Variants in FLACC1 observed in about 807,000 individuals in gnomAD.
The protein encoded by FLACC1 is flagellum-associated coiled-coil domain-containing protein 1.
A neutral mutation model predicts 62.8 loss-of-function variants in FLACC1; 66 were observed. That is an observed-to-expected ratio of 1.05 (90% CI 0.86 to 1.29). The LOEUF (loss-of-function observed/expected upper bound fraction) is 1.29. FLACC1 is among the 50% of genes most tolerant of loss of function. FLACC1 has a pLI of 0.00. For missense variants in FLACC1, 452 were observed against 489.1 expected (o/e 0.92, Z 0.71); for synonymous variants, 156 against 161.0 (o/e 0.97, Z 0.24).
the FLACC1 span, among the ~76,000 whole-genome samples, chr2:201,363,050 C>T: frequency 6.6e-6 from 1 of 152,132 alleles, no homozygotes; most frequent in African/African-American, 2.4e-5. Flanking sequence ...CCAGCCTGCT[C>T]CCCTGAGATT....
intron 3 of FLACC1, 79 bp from the exon 4 acceptor site, chr2:201,348,381 G>T: frequency 7.0e-7 from 1 of 1,425,046 alleles, no homozygotes; most frequent in Non-Finnish European, 9.6e-7. Flanking sequence ...CCCTGAGGCC[G>T]CCACCATCTG....
chr2:201,312,404 T>C (rs1440262292), intron 9 of FLACC1, among the ~76,000 whole-genome samples: 1 of 152,082 alleles, frequency 6.6e-6, no homozygotes, highest in Non-Finnish European at 1.5e-5. Flanking sequence ...AAATTGCTGC[T>C]GAAAGAAATC....
rs566873204 is a variant in FLACC1 at position 201,349,565 on chromosome 2, CAG to C, written c.185+1144_185+1145del. On this transcript the variant is annotated intron_variant, in intron 3 of 14. Transcript: ENST00000392257. ...CTGGCTCTTTTCCCAGCACCTGAAACAGTGCCTAATAAATAATAGGTGGTCAA... is the reference window on the plus strand; with the variant it reads ...CTGGCTCTTTTCCCAGCACCTGAAACTGCCTAATAAATAATAGGTGGTCAA... Among the ~76,000 whole-genome samples, 459 of 152,236 alleles carry C rather than the reference CAG, an allele frequency of 3.0e-3. 1 individual carries two copies. The highest frequency in any genetic ancestry group is 4.5e-3 in the Non-Finnish European group (305 of 68,018).
chr2:201,296,809 T>C (rs1438598696), intron 12 of FLACC1, among the ~76,000 whole-genome samples: 4 of 152,024 alleles, frequency 2.6e-5, no homozygotes, highest in Admixed American at 2.6e-4. Context: ...CTAAGAACAA[T>C]GGGGACCTAC....
chr2:201,298,156 A>G (rs1177586582), intron 12 of FLACC1, among the ~76,000 whole-genome samples: 1 of 152,190 alleles, frequency 6.6e-6, no homozygotes, highest in Non-Finnish European at 1.5e-5. Context: ...CACCAGGCAG[A>G]GTAGAAAATC....
At position 201,327,441 on chromosome 2, in the gene FLACC1, C is replaced by G. The variant is rs554049135; in HGVS notation, c.675+3029G>C. Among the ~76,000 whole-genome samples the G allele has an allele frequency of 2.0e-3, 311 of 151,856 alleles. 2 individuals carry two copies. Among genetic ancestry groups the G allele is most frequent in the African/African-American group, 7.2e-3 (297 of 41,342 alleles). On this transcript the variant is annotated intron_variant, in intron 9 of 14. Coordinates refer to ENST00000392257, the MANE Select transcript of FLACC1 (RefSeq NM_001127391.3). ...ACAAAGGACTAGTAATCAAAATCTA[C>G]AAGGAATTCAAACAAATCAGCAAGA...
At chr2:201,289,175 A>C (rs1429120546) in intron 14 of FLACC1, among the ~76,000 whole-genome samples, 1 of 152,126 alleles carries the variant, frequency 6.6e-6, no homozygotes, top group East Asian at 1.9e-4. Flanking sequence ...CAGTCATAGA[A>C]CTGAGCAAAC....
At chr2:201,294,935 G>A (rs1359586004) in intron 12 of FLACC1, among the ~76,000 whole-genome samples, 1 of 152,172 alleles carries the variant, frequency 6.6e-6, no homozygotes, top group East Asian at 1.9e-4. Flanking sequence ...GCTTCAAAGA[G>A]AATAAAATAC....
At chr2:201,297,469 A>AT (rs1318145295) in intron 12 of FLACC1, among the ~76,000 whole-genome samples, 2 of 152,158 alleles carry the variant, frequency 1.3e-5, no homozygotes, top group African/African-American at 4.8e-5. Context: ...AGTAAAGGAG[A>AT]TTGAGAAGGT....
chr2:201,313,695 C>T (rs1950258965), intron 9 of FLACC1, among the ~76,000 whole-genome samples: 1 of 152,142 alleles, frequency 6.6e-6, no homozygotes, highest in Admixed American at 6.5e-5. Flanking sequence ...GCCTGATCCT[C>T]CCCATACTAC....
upstream of FLACC1, among the ~76,000 whole-genome samples, chr2:201,357,751 G>A (rs937897761): frequency 6.6e-6 from 1 of 151,680 alleles, no homozygotes; most frequent in Non-Finnish European, 1.5e-5. Context: ...TGAAATCTGT[G>A]AAAGTAAAAA....
Position 201,293,182 on chromosome 2 carries a change from T to A in FLACC1, c.943-3397A>T, listed in dbSNP as rs1949777658. On this transcript the variant is annotated intron_variant, in intron 12 of 14. Coordinates refer to ENST00000392257, the MANE Select transcript of FLACC1 (RefSeq NM_001127391.3). ...CTGCACCAAGCAGACCTAATAGACA[T>A]CTACAGAACTCTCCACCCCAAATGA... 1.3e-5 allele frequency among the ~76,000 whole-genome samples: 2 copies of A among 152,262 alleles called. 1 individual carries two copies. Among genetic ancestry groups the A allele is most frequent in the Non-Finnish European group, 2.9e-5 (2 of 68,018 alleles).
chr2:201,290,959 G>A (rs13004870), intron 12 of FLACC1, among the ~76,000 whole-genome samples: 51,135 of 152,058 alleles, frequency 0.34, 10,140 homozygotes, highest in East Asian at 0.48. Context: ...ATCAAACTGC[G>A]AGGTGGCAGT....
intron 1 of FLACC1, 100 bp downstream of exon 1, chr2:201,356,882 A>G (rs2125630753): frequency 6.6e-6 from 1 of 152,272 alleles, no homozygotes; most frequent in Non-Finnish European, 1.5e-5. Context: ...TGCCCTAACA[A>G]TAGTCACCAG....
chr2:201,353,240 C>T (rs1394320405), intron 1 of FLACC1, among the ~76,000 whole-genome samples: 1 of 152,164 alleles, frequency 6.6e-6, no homozygotes, highest in Non-Finnish European at 1.5e-5. Flanking sequence ...ATGGCACACA[C>T]TCATATGTAT....
chr2:201,291,392 C>T (rs897835803), intron 12 of FLACC1, among the ~76,000 whole-genome samples: 11 of 152,204 alleles, frequency 7.2e-5, no homozygotes, highest in Admixed American at 1.3e-4. Flanking sequence ...CTGCAGCCTC[C>T]GCTGCTGATA....
intron 1 of FLACC1, among the ~76,000 whole-genome samples, chr2:201,354,412 G>C (rs1180054011): frequency 6.6e-6 from 1 of 152,166 alleles, no homozygotes; most frequent in Non-Finnish European, 1.5e-5. Context: ...CCTGGGACTA[G>C]GGAGTCTTCT....
In FLACC1 at chr2:201,353,691, G is replaced by A. The variant is rs546547825; in HGVS notation, c.-47-2240C>T. ...CAACGTCTGCTTCCTGGGTTCAAGC[G>A]ATTCTCCCGCCTCAGCCTCCTGTAG... On this transcript the variant is annotated intron_variant, in intron 1 of 14. Transcript: ENST00000392257. Among the ~76,000 whole-genome samples, 15 of 152,240 alleles carry A rather than the reference G, an allele frequency of 9.9e-5. No individual in the cohort carries two copies. The East Asian group carries it at 1.7e-3, about 18-fold the overall frequency.
At chr2:201,344,104 T>C (rs2125613227) in intron 6 of FLACC1, 66 bp downstream of exon 6, 2 of 1,427,964 alleles carry the variant, frequency 1.4e-6, no homozygotes, top group East Asian at 2.3e-5. Context: ...GCCTGGCACA[T>C]AGGTGATTCA....
Sources: gnomAD v4.1 joint callset for allele counts (sites outside exome capture counted in the v4.1 genomes callset) on GRCh38, gnomAD v4.1.1 for gene constraint, MANE v1.5 for transcripts, NCBI Gene and HGNC (gene_info 2026-07-23, HGNC 2026-07-21) for gene names.